The following ZKSCAN8 variants were observed in gnomAD, a reference collection of about 807,000 sequenced individuals.
The protein encoded by ZKSCAN8 is zinc finger protein with KRAB and SCAN domains 8.
In ZKSCAN8, 27 loss-of-function variants were observed where a neutral mutation model predicts 57.2. The observed-to-expected ratio is 0.47, with a 90% CI of 0.35 to 0.65. The LOEUF is 0.65. Among genes scored for constraint, ZKSCAN8 ranks in the 30% least tolerant of loss-of-function variants. The probability of loss-of-function intolerance (pLI) is 0.01; values close to 1 mark genes in which losing one functional copy is unlikely to be tolerated. For missense variants in ZKSCAN8, 597 were observed against 696.3 expected, an observed-to-expected ratio of 0.86 and a Z score of 1.60; for synonymous variants, 214 against 248.7, an observed-to-expected ratio of 0.86 and a Z score of 1.31.
At chr6:28,143,509 G>T (rs1310398408) in intron 1 of ZKSCAN8, among the ~76,000 whole-genome samples, 1 of 152,156 alleles carries the variant, frequency 6.6e-6, no homozygotes, top group Admixed American at 6.5e-5. Flanking sequence ...GTACTGGTAA[G>T]TAGTGGGATT....
Position 28,157,656 on chromosome 6 carries a change from T to C in ZKSCAN8, c.*3639T>C, listed in dbSNP as rs542846409. ...TACATTACAATTACTGGAAAATTGG[T>C]GGAAAATGCTTTTTGGGGTTACAAT... On this transcript the variant is annotated 3_prime_UTR_variant, in exon 6 of 6. Coordinates refer to ENST00000330236, the MANE Select transcript of ZKSCAN8 (RefSeq NM_006298.4). 6.6e-6 allele frequency: 1 copy of C among 152,318 alleles called. No individual in the cohort carries two copies. The highest frequency in any genetic ancestry group is 2.4e-5 in the African/African-American group (1 of 41,576). The allele number at this position is 152,318 out of a possible 1,614,324, so 9.4% of individuals were successfully genotyped here.
In ZKSCAN8 at chr6:28,153,143, A is replaced by G. The variant is rs1342675295; in HGVS notation, c.863A>G (p.Lys288Arg). ...CAGCCACATGGAGAGACAGCTGCCA[A>G]ATGCAACGGGGATGTTATCAGGGGT... ...GIQPHGETAAKCNGDVIRGLE... is the reference protein window; with the variant it reads ...GIQPHGETAARCNGDVIRGLE... The change falls in exon 6 of 6, where the codon AAA becomes AGA. Residue 288 changes from lysine (K) to arginine (R), a missense_variant. Physicochemically the swap from Lys to Arg is conservative, Grantham distance 26. Transcript: ENST00000330236. 6.8e-6 allele frequency: 11 copies of G among 1,614,106 alleles called. No homozygotes were observed. The highest frequency in any genetic ancestry group is 2.7e-5 in the African/African-American group (2 of 74,934).
At chr6:28,141,793 C>G (rs1765221263), upstream of ZKSCAN8, 1 of 152,474 alleles carries the variant, frequency 6.6e-6, no homozygotes, top group South Asian at 2.1e-4. Context: ...CTCCGGTACC[C>G]TCAGTCGGCC....
chr6:28,145,653 C>T (rs1765370217), intron 1 of ZKSCAN8, among the ~76,000 whole-genome samples: 1 of 152,194 alleles, frequency 6.6e-6, no homozygotes, highest in African/African-American at 2.4e-5. Flanking sequence ...CTTCTAGCTT[C>T]TTGTTTTTAC....
intron 3 of ZKSCAN8, 50 bp downstream of exon 3, chr6:28,149,674 G>A (rs1018198334): frequency 6.2e-7 from 1 of 1,602,418 alleles, no homozygotes; most frequent in Non-Finnish European, 8.5e-7. Context: ...ACAAATAAAA[G>A]TCCATTTGGG....
chr6:28,150,797 GTCTT>G (rs1765566158), intron 3 of ZKSCAN8, among the ~76,000 whole-genome samples: 1 of 151,918 alleles, frequency 6.6e-6, no homozygotes, highest in Non-Finnish European at 1.5e-5. Flanking sequence ...TTCTGTTACT[GTCTT>G]TATTTTGTTT....
rs142219933 is a variant in ZKSCAN8, at chr6:28,154,012, G to A, written c.1732G>A (p.Val578Ile). ...TGGTGAAAAATCTGAATCCATAAGC[G>A]TTTAGGAACAACATCAGTTAGAGTT... ...HSGEKSESIS[V>I] Residue 578 changes from valine (V) to isoleucine (I), a missense_variant, in exon 6 of 6, where the codon GTT (valine) becomes ATT (isoleucine). Physicochemically the swap from Val to Ile is conservative, Grantham distance 29. Coordinates refer to ENST00000330236, the MANE Select transcript of ZKSCAN8 (RefSeq NM_006298.4). 8.8e-4 allele frequency: 1,393 copies of A among 1,588,602 alleles called. 3 individuals carry two copies. The highest frequency in any genetic ancestry group is 5.8e-3 in the Middle Eastern group (34 of 5,908).
intron 1 of ZKSCAN8, among the ~76,000 whole-genome samples, chr6:28,142,603 A>C (rs1765256410): frequency 6.6e-6 from 1 of 152,112 alleles, no homozygotes; most frequent in South Asian, 2.1e-4. Flanking sequence ...TTGTTAAAGC[A>C]AACTGAAGTT....
rs778909563 is a variant in ZKSCAN8 at position 28,148,602 on chromosome 6, C to T, written c.195C>T (p.Pro65=). The T allele has an allele frequency of 1.9e-6, 3 of 1,614,010 alleles. No individual in the cohort carries two copies. The East Asian group carries it at 6.7e-5, about 36-fold the overall frequency. Residue 65 remains proline, a synonymous_variant, in exon 2 of 6, where the codon CCC becomes CCT. Transcript: ENST00000330236. ...TACGCTACCAGGAGACACTAGGACC[C>T]CGAGAAGCTCTGATCCAACTACGGG... The part of the protein sequence containing the change: ...RQLRYQETLG[P]REALIQLRAL...
At chr6:28,151,732 C>T (rs558332473) in intron 3 of ZKSCAN8, 113 bp from the exon 4 acceptor site, 1 of 849,420 alleles carries the variant, frequency 1.2e-6, no homozygotes, top group African/African-American at 1.7e-5. Flanking sequence ...TGTGCAAAAT[C>T]TTTGGCATAC....
Position 28,157,269 on chromosome 6 carries a change from A to G in ZKSCAN8, c.*3252A>G, listed in dbSNP as rs1216844102. ...TCACTATCACAAGAACAGCACAGGA[A>G]AGTTCTGCCCCCGTGATTCAATTAC... On this transcript the variant is annotated 3_prime_UTR_variant, in exon 6 of 6. Transcript: ENST00000330236. The G allele has an allele frequency of 6.6e-6, 1 of 152,180 alleles. No individual in the cohort carries two copies. Among genetic ancestry groups the G allele is most frequent in the African/African-American group, 2.4e-5 (1 of 41,444 alleles). The allele number at this position is 152,180 out of a possible 1,614,324, so 9.4% of individuals were successfully genotyped here. A position where few individuals can be genotyped will look rare whatever the true frequency, so the allele number is the denominator to read the frequency against.
Position 28,153,573 on chromosome 6 carries a change from G to C in ZKSCAN8, c.1293G>C (p.Glu431Asp). Residue 431 changes from glutamate (E) to aspartate (D), a missense_variant, in exon 6 of 6, where the codon GAG becomes GAC. Physicochemically the swap from Glu to Asp is conservative, Grantham distance 45. Transcript: ENST00000330236. ...TGCACCAGAGAATCCACAGTGGAGA[G>C]AGACCCTATGAATGTAATGAGTGTG... ...LILHQRIHSGERPYECNECGK... is the reference protein window; with the variant it reads ...LILHQRIHSGDRPYECNECGK... 2.5e-6 allele frequency: 4 copies of C among 1,613,786 alleles called. No homozygotes were observed. The highest frequency in any genetic ancestry group is 1.1e-5 in the South Asian group (1 of 91,072).
chr6:28,148,823 C>A lies in ZKSCAN8; in HGVS notation c.416C>A (p.Pro139Gln). Residue 139 changes from proline to glutamine, a missense_variant and splice_region_variant, in exon 2 of 6, where the codon CCA (proline) becomes CAA (glutamine). Physicochemically the swap from Pro to Gln is moderately conservative, Grantham distance 76. Transcript: ENST00000330236. ...AGGCAGATTGATATACTAGGACGAC[C>A]AGTAAGTAGAAGGAGGTATGCGTGC... The part of the protein sequence containing the change: ...LERQIDILGR[P>Q]VSARVHGHRV... 6.2e-7 allele frequency: 1 copy of A among 1,610,656 alleles called. No homozygotes were observed. Among genetic ancestry groups the A allele is most frequent in the African/African-American group, 1.3e-5 (1 of 74,942 alleles).
rs748450133 is a variant in ZKSCAN8 at position 28,153,335 on chromosome 6, G to T, written c.1055G>T (p.Cys352Phe). 6.2e-7 allele frequency: 1 copy of T among 1,614,164 alleles called. No individual in the cohort carries two copies. The highest frequency in any genetic ancestry group is 8.5e-7 in the Non-Finnish European group (1 of 1,180,028). ...RIHTGEKPYQCNVCGKAFSYR... is the reference protein window; with the variant it reads ...RIHTGEKPYQFNVCGKAFSYR... The stretch of plus-strand genomic sequence containing the variant: ...CACACTGGGGAGAAACCCTATCAGT[G>T]TAATGTGTGTGGTAAAGCCTTCAGT... The change falls in exon 6 of 6, where the codon TGT becomes TTT. Residue 352 changes from cysteine (C) to phenylalanine (F), a missense_variant. Cys to Phe is a radical substitution (Grantham distance 205). Transcript: ENST00000330236.
chr6:28,148,144 C>G (rs1765462118), intron 1 of ZKSCAN8, among the ~76,000 whole-genome samples, 172 bp from the exon 2 acceptor site: 1 of 152,098 alleles, frequency 6.6e-6, no homozygotes, highest in African/African-American at 2.4e-5. Context: ...TTTGGCATGG[C>G]TGGCATGACA....
intron 1 of ZKSCAN8, among the ~76,000 whole-genome samples, chr6:28,142,529 G>GTT (rs34778634): frequency 4.1e-5 from 6 of 145,384 alleles, no homozygotes; most frequent in African/African-American, 7.5e-5. Flanking sequence ...TTGTACGAAA[G>GTT]TTTTTTTTTT....
intron 1 of ZKSCAN8, among the ~76,000 whole-genome samples, chr6:28,145,195 T>C (rs1425422026): frequency 6.6e-6 from 1 of 152,210 alleles, no homozygotes; most frequent in African/African-American, 2.4e-5. Flanking sequence ...ATGTACAAGA[T>C]AATAGTAGCA....
rs200170770 is a variant in ZKSCAN8, at chr6:28,153,506, A to G, written c.1226A>G (p.Asn409Ser). 3.0e-5 allele frequency: 49 copies of G among 1,612,298 alleles called. No homozygotes were observed. The highest frequency in any genetic ancestry group is 1.6e-4 in the Middle Eastern group (1 of 6,084). The change falls in exon 6 of 6, where the codon AAT becomes AGT. Residue 409 changes from asparagine to serine, a missense_variant. Physicochemically the swap from Asn to Ser is conservative, Grantham distance 46 (BLOSUM62 1). Transcript: ENST00000330236. The stretch of plus-strand genomic sequence containing the variant: ...ACTGGGGAGAAGCCATATCAGTGCA[A>G]TCAGTGTGGGAAGGCTTTCAGTCAG... The part of the protein sequence containing the change: ...IHTGEKPYQC[N>S]QCGKAFSQSA...
chr6:28,152,500 C>T lies in ZKSCAN8; in HGVS notation c.775+116C>T, dbSNP rs1243449979. 5.3e-6 allele frequency: 7 copies of T among 1,325,020 alleles called. No individual in the cohort carries two copies. The East Asian group carries it at 1.2e-4, about 23-fold the overall frequency. 82.1% of individuals were successfully genotyped at this position (1,325,020 alleles called of 1,614,324 possible). A position where few individuals can be genotyped will look rare whatever the true frequency, so the allele number is the denominator to read the frequency against. On this transcript the variant is annotated intron_variant, in intron 5 of 5. Coordinates refer to ENST00000330236, the MANE Select transcript of ZKSCAN8 (RefSeq NM_006298.4). ...TAGTTAAGTTTAACTCAGGATCCAG[C>T]AGAGGGATATGATGTTGAGATTTCT...
Sources: gnomAD v4.1 joint callset for allele counts (sites outside exome capture counted in the v4.1 genomes callset) on GRCh38, gnomAD v4.1.1 for gene constraint, MANE v1.5 for transcripts, NCBI Gene and HGNC (gene_info 2026-07-23, HGNC 2026-07-21) for gene names.